Variants in CAPN15 observed in about 807,000 individuals in gnomAD.
CAPN15 encodes the protein calpain-15.
Under a neutral mutation model 97.9 loss-of-function variants are expected in CAPN15, and 53 were observed. The observed-to-expected ratio is 0.54, with a 90% CI of 0.43 to 0.68. The LOEUF is 0.68. Among genes scored for constraint, CAPN15 ranks in the 30% least tolerant of loss-of-function variants. The pLI is 0.00. For synonymous variants in CAPN15, 922 were observed against 722.5 expected (o/e 1.28, Z -4.43); for missense variants, 1,592 against 1,589.8 (o/e 1.00, Z -0.02).
At chr16:532,505 A>C (rs1383748782) in intron 1 of CAPN15, among the ~76,000 whole-genome samples, 6 of 146,460 alleles carry the variant, frequency 4.1e-5, no homozygotes, top group African/African-American at 1.5e-4. Context: ...CAGTGAGTCG[A>C]GATGGCACCA....
At chr16:551,966 C>A in intron 9 of CAPN15, 85 bp from the exon 10 acceptor site, 1 of 1,409,520 alleles carries the variant, frequency 7.1e-7, no homozygotes, top group South Asian at 1.3e-5. Flanking sequence ...CTGCTGGGGT[C>A]ACCGGCCTGT....
rs559591261 is a variant in CAPN15, at chr16:551,391, A to G, written c.2156A>G (p.Tyr719Cys). The change falls in exon 8 of 14, where the codon TAC becomes TGC. Residue 719 changes from tyrosine (Y) to cysteine (C), a missense_variant. This residue lies in a region of CAPN15 where 644 missense variants were observed against 699.6 expected (regional missense o/e 0.92). Transcript: ENST00000219611. ...CTGGGCCTGCGCCCCCGGCATGCCTACTCCATCCTGGATGTCCGAGATGTC... is the reference window on the plus strand; with the variant it reads ...CTGGGCCTGCGCCCCCGGCATGCCTGCTCCATCCTGGATGTCCGAGATGTC... ...ESLGLRPRHA[Y>C]SILDVRDVQG... 6.2e-7 allele frequency: 1 copy of G among 1,610,130 alleles called. No individual in the cohort carries two copies. Among genetic ancestry groups the G allele is most frequent in the Non-Finnish European group, 8.5e-7 (1 of 1,178,598 alleles).
intron 1 of CAPN15, among the ~76,000 whole-genome samples, chr16:531,742 G>T (rs1705261570): frequency 6.7e-6 from 1 of 149,660 alleles, no homozygotes; most frequent in Non-Finnish European, 1.5e-5. Flanking sequence ...GATGACAGGT[G>T]CCCAGGGCCA....
At chr16:545,638 G>A (rs886811449) in intron 3 of CAPN15, among the ~76,000 whole-genome samples, 7 of 152,244 alleles carry the variant, frequency 4.6e-5, no homozygotes, top group Admixed American at 3.3e-4. Context: ...TGGTCCTGGG[G>A]ACCCGGGTTC....
chr16:552,377 C>A lies in CAPN15; in HGVS notation c.2584C>A (p.His862Asn). The A allele has an allele frequency of 6.2e-7, 1 of 1,603,374 alleles. No individual in the cohort carries two copies. Among genetic ancestry groups the A allele is most frequent in the Non-Finnish European group, 8.5e-7 (1 of 1,177,936 alleles). ...CCGGGCCACGTTCGGCAGCGGCGGC[C>A]ACCTCAGCCTGGGCCGCCTCCTGGC... is the stretch of plus-strand genomic sequence containing the variant. ...VFRATFGSGGHLSLGRLLAHS... is the reference protein window; with the variant it reads ...VFRATFGSGGNLSLGRLLAHS... Residue 862 changes from histidine (H) to asparagine (N), a missense_variant, in exon 11 of 14, where the codon CAC (histidine) becomes AAC (asparagine). Physicochemically the swap from His to Asn is moderately conservative, Grantham distance 68. Around this residue, in one of 3 missense-constraint regions of CAPN15, gnomAD observed 644 missense variants for 699.6 expected, o/e 0.92. Transcript: ENST00000219611. This position sits in a 1 kb window ranked among gnomAD's most constrained non-coding sequence, Gnocchi z 6.4.
rs75594530 is a variant in CAPN15 at position 529,208 on chromosome 16, C to T, written c.-190+1179C>T. ...CCTTGATTGGCAGAGGAGCCAGTGA[C>T]CTCTGAGTCCCCAGGAGAGCCCGAG... is the stretch of plus-strand genomic sequence containing the variant. On this transcript the variant is annotated intron_variant, in intron 1 of 13. Transcript: ENST00000219611. Among the ~76,000 whole-genome samples, 1,382 of 152,190 alleles carry T rather than the reference C, an allele frequency of 9.1e-3. 21 individuals are homozygous for T. The highest frequency in any genetic ancestry group is 0.031 in the African/African-American group (1,270 of 41,512).
At chr16:533,039 G>A (rs940271192) in intron 1 of CAPN15, among the ~76,000 whole-genome samples, 3 of 151,670 alleles carry the variant, frequency 2.0e-5, no homozygotes, top group African/African-American at 7.3e-5. Context: ...TGACCAACAT[G>A]GTGAAACCTC....
Position 551,088 on chromosome 16 carries a change from G to GT in CAPN15, c.2067-214_2067-213insT, listed in dbSNP as rs1430429076. Reference sequence around the variant, plus strand: ...TCGGTGAGGTCCCCGGTCGGTGAGGGCCCCGGTCGGTGAGGGTCCCCGGTC... The same window carrying GT: ...TCGGTGAGGTCCCCGGTCGGTGAGGGTCCCCGGTCGGTGAGGGTCCCCGGTC... On this transcript the variant is annotated intron_variant, in intron 7 of 13. Transcript: ENST00000219611. Among the ~76,000 whole-genome samples the GT allele has an allele frequency of 1.1e-4, 14 of 127,218 alleles. No homozygotes were observed. The East Asian group carries it at 1.6e-3, about 15-fold the overall frequency. 83.5% of individuals were successfully genotyped at this position (127,218 alleles called of 152,430 possible). A position where few individuals can be genotyped will look rare whatever the true frequency, so the allele number is the denominator to read the frequency against.
intron 4 of CAPN15, 97 bp from the exon 5 acceptor site, chr16:548,896 C>A: frequency 1.8e-6 from 2 of 1,104,432 alleles, no homozygotes; most frequent in South Asian, 1.3e-5. Flanking sequence ...GGGGCTCAGG[C>A]AGTGCTTTTG....
intron 1 of CAPN15, among the ~76,000 whole-genome samples, chr16:531,444 C>A (rs548904200): frequency 2.0e-5 from 3 of 152,214 alleles, no homozygotes; most frequent in South Asian, 2.1e-4. Flanking sequence ...CTCCCTACCC[C>A]CCACCTCCCT....
chr16:553,811 A>C lies in CAPN15; in HGVS notation c.*295A>C, dbSNP rs1021806934. 2.2e-4 allele frequency: 71 copies of C among 322,636 alleles called. No homozygotes were observed. Among genetic ancestry groups the C allele is most frequent in the Non-Finnish European group, 3.2e-4 (57 of 175,414 alleles). The allele number at this position is 322,636 out of a possible 1,614,324, so 20.0% of individuals were successfully genotyped here. ...CCAACACCCGACGGGGGCCGAGGCC[A>C]GGCTGCCCCTCCCTGTGGGCTCAGG... On this transcript the variant is annotated 3_prime_UTR_variant, in exon 14 of 14. Transcript: ENST00000219611.
chr16:547,467 A>T lies in CAPN15; in HGVS notation c.629A>T (p.Glu210Val). 2 of 1,594,728 alleles carry T rather than the reference A, an allele frequency of 1.3e-6. No individual in the cohort carries two copies. Among genetic ancestry groups the T allele is most frequent in the Non-Finnish European group, 1.7e-6 (2 of 1,177,626 alleles). The change falls in exon 4 of 14, where the codon GAG (glutamate) becomes GTG (valine). Residue 210 changes from glutamate (E) to valine (V), a missense_variant. Coordinates refer to ENST00000219611, the MANE Select transcript of CAPN15 (RefSeq NM_005632.3). The part of the protein sequence containing the change: ...PPPGLPGEGA[E>V]ANPPATSQGP... The stretch of plus-strand genomic sequence containing the variant: ...CCTGGCCTCCCCGGGGAAGGTGCCG[A>T]GGCCAACCCCCCAGCCACCAGCCAG...
chr16:535,976 C>T lies in CAPN15; in HGVS notation c.-136-53C>T. On this transcript the variant is annotated intron_variant, in intron 2 of 13. Transcript: ENST00000219611. The surrounding 1 kb of genome is among the most constrained non-coding windows in gnomAD (Gnocchi z 6.2). ...GCTGTCCCTCGGCCTGGCCTGGGCA[C>T]ACTCCTTGGTGACAGTGCCCCTGCA... is the stretch of plus-strand genomic sequence containing the variant. The T allele has an allele frequency of 1.8e-6, 1 of 555,754 alleles. No homozygotes were observed. The highest frequency in any genetic ancestry group is 2.3e-6 in the Non-Finnish European group (1 of 440,108). 34.4% of individuals were successfully genotyped at this position (555,754 alleles called of 1,614,324 possible).
intron 1 of CAPN15, among the ~76,000 whole-genome samples, chr16:532,510 G>T (rs1378413804): frequency 1.3e-5 from 2 of 149,050 alleles, no homozygotes; most frequent in African/African-American, 5.0e-5. Context: ...AGTCGAGATG[G>T]CACCACTGCA....
At position 540,270 on chromosome 16, in the gene CAPN15, C is replaced by T. The variant is rs572863085; in HGVS notation, c.-23+4128C>T. On this transcript the variant is annotated intron_variant, in intron 3 of 13. Coordinates refer to ENST00000219611, the MANE Select transcript of CAPN15 (RefSeq NM_005632.3). ...CCGGGGGACCGCCCTACCCGGGTCC[C>T]CCGGCAGCGGCTGGCTGGTGTAGGA... is the stretch of plus-strand genomic sequence containing the variant. 1.7e-3 allele frequency: 1,646 copies of T among 985,492 alleles called. 3 individuals carry two copies. The highest frequency in any genetic ancestry group is 2.1e-3 in the Middle Eastern group (4 of 1,916). 61.0% of individuals were successfully genotyped at this position (985,492 alleles called of 1,614,324 possible). A position where few individuals can be genotyped will look rare whatever the true frequency, so the allele number is the denominator to read the frequency against.
At chr16:534,231 C>CGGTA (rs370331827) in intron 2 of CAPN15, among the ~76,000 whole-genome samples, 1 of 147,792 alleles carries the variant, frequency 6.8e-6, no homozygotes, top group Non-Finnish European at 1.5e-5. Context: ...GGGGTCCCGA[C>CGGTA]AGGGGTGTTT....
Position 551,258 on chromosome 16 carries a change from TGTCGGTGAGGGTCCCG to T in CAPN15, c.2067-32_2067-17del, listed in dbSNP as rs749587501. On this transcript the variant is annotated intron_variant, in intron 7 of 13. Transcript: ENST00000219611. ...GGGTCCCCGGTCGGTGAGGGTCCCC[TGTCGGTGAGGGTCCCG>T]GTCGGTGAGGGCCGCTCTGCCACAC... 2.1e-5 allele frequency: 31 copies of T among 1,489,390 alleles called. No individual in the cohort carries two copies. The East Asian group carries it at 4.0e-4, about 19-fold the overall frequency. 92.3% of individuals were successfully genotyped at this position (1,489,390 alleles called of 1,614,324 possible). A position where few individuals can be genotyped will look rare whatever the true frequency, so the allele number is the denominator to read the frequency against.
rs551366663 is a variant in CAPN15 at position 552,650 on chromosome 16, C to T, written c.2783C>T (p.Pro928Leu). Reference sequence around the variant, plus strand: ...GTCCCGAGAGCCTCCCCAGAGCCGCCGGGCCACGTGCTGGCTGTGTACAGC... The same window carrying T: ...GTCCCGAGAGCCTCCCCAGAGCCGCTGGGCCACGTGCTGGCTGTGTACAGC... ...AGVPRASPEPPGHVLAVYSSR... is the reference protein window; with the variant it reads ...AGVPRASPEPLGHVLAVYSSR... Residue 928 changes from proline (P) to leucine (L), a missense_variant, in exon 12 of 14, where the codon CCG becomes CTG. Physicochemically the swap from Pro to Leu is moderately conservative, Grantham distance 98. Around this residue, in one of 3 missense-constraint regions of CAPN15, gnomAD observed 644 missense variants for 699.6 expected, o/e 0.92. Coordinates refer to ENST00000219611, the MANE Select transcript of CAPN15 (RefSeq NM_005632.3). This position sits in a 1 kb window ranked among gnomAD's most constrained non-coding sequence, Gnocchi z 6.4. 69 of 1,538,736 alleles carry T rather than the reference C, an allele frequency of 4.5e-5. No individual in the cohort carries two copies. The highest frequency in any genetic ancestry group is 1.2e-4 in the Admixed American group (6 of 50,886).
chr16:536,113 C>T lies in CAPN15; in HGVS notation c.-52C>T, dbSNP rs2033700286. 1 of 984,086 alleles carries T rather than the reference C, an allele frequency of 1.0e-6. No individual in the cohort carries two copies. The highest frequency in any genetic ancestry group is 4.7e-5 in the South Asian group (1 of 21,256). 61.0% of individuals were successfully genotyped at this position (984,086 alleles called of 1,614,324 possible). On this transcript the variant is annotated 5_prime_UTR_variant, in exon 3 of 14. Transcript: ENST00000219611. ...CTGGGTGATTCACGTGTGCCCAGGC[C>T]CTGAGGTGGGCCGGACCTGGGAGTG...
Sources: gnomAD v4.1 joint callset for allele counts (sites outside exome capture counted in the v4.1 genomes callset) on GRCh38, gnomAD v4.1.1 for gene constraint, gnomAD v4.1.1 regional missense constraint, Gnocchi (gnomAD v3.1) non-coding constraint, MANE v1.5 for transcripts, NCBI Gene and HGNC (gene_info 2026-07-23, HGNC 2026-07-21) for gene names.